RPS6KA5: variants seen among roughly 807,000 people sequenced by gnomAD.
RPS6KA5 encodes the protein ribosomal protein S6 kinase A5.
In RPS6KA5, 27 loss-of-function variants were observed where a neutral mutation model predicts 85.5. The observed-to-expected ratio is 0.32, with a 90% CI of 0.23 to 0.44. The LOEUF (loss-of-function observed/expected upper bound fraction) is 0.44. Among genes scored for constraint, RPS6KA5 ranks in the 20% least tolerant of loss-of-function variants. RPS6KA5 has a pLI of 1.00. For synonymous variants in RPS6KA5, 334 were observed against 348.2 expected (o/e 0.96, Z 0.46); for missense variants, 811 against 980.9 (o/e 0.83, Z 2.31).
At chr14:90,902,735 C>A in intron 9 of RPS6KA5, 73 bp downstream of exon 9, 1 of 1,400,594 alleles carries the variant, frequency 7.1e-7, no homozygotes, top group Non-Finnish European at 9.8e-7. Flanking sequence ...AAAACTACTT[C>A]AATATGGGAA....
chr14:90,904,730 A>G (rs1052628696), intron 8 of RPS6KA5, among the ~76,000 whole-genome samples: 2 of 152,216 alleles, frequency 1.3e-5, no homozygotes, highest in Non-Finnish European at 2.9e-5. Context: ...GAAAAAGGCC[A>G]TTTAGGCCTT....
chr14:91,033,646 A>G (rs758477272), intron 1 of RPS6KA5, among the ~76,000 whole-genome samples: 1 of 152,188 alleles, frequency 6.6e-6, no homozygotes, highest in Non-Finnish European at 1.5e-5. Context: ...ATGAAGAACA[A>G]CCAGATTACT....
intron 3 of RPS6KA5, among the ~76,000 whole-genome samples, chr14:90,969,335 G>A (rs953985075): frequency 4.6e-5 from 7 of 152,248 alleles, no homozygotes; most frequent in East Asian, 1.9e-4. Flanking sequence ...CAGGCTGCTC[G>A]TCTTTGCACA....
At position 90,894,480 on chromosome 14, in the gene RPS6KA5, C is replaced by T; in HGVS notation, c.1577G>A (p.Arg526Lys). 1 of 1,614,146 alleles carries T rather than the reference C, an allele frequency of 6.2e-7. No individual in the cohort carries two copies. The highest frequency in any genetic ancestry group is 8.5e-7 in the Non-Finnish European group (1 of 1,180,030). ...GTGGCTTACAGCTGAAACAAGCTTCCTCATGATGTAGCTGGCTTCCGTCTC... is the reference window on the plus strand; with the variant it reads ...GTGGCTTACAGCTGAAACAAGCTTCTTCATGATGTAGCTGGCTTCCGTCTC... The part of the protein sequence containing the change: ...FSETEASYIM[R>K]KLVSAVSHMH... Residue 526 changes from arginine to lysine, a missense_variant, in exon 13 of 17, where the codon AGG (arginine) becomes AAG (lysine). This residue lies in a region of RPS6KA5 where 650 missense variants were observed against 793.4 expected (regional missense o/e 0.82). Coordinates refer to ENST00000614987, the MANE Select transcript of RPS6KA5 (RefSeq NM_004755.4).
chr14:90,892,062 G>A (rs1178907458), intron 13 of RPS6KA5, among the ~76,000 whole-genome samples: 1 of 151,008 alleles, frequency 6.6e-6, no homozygotes, highest in Non-Finnish European at 1.5e-5. Flanking sequence ...GCAGTGGTGC[G>A]ATCTTGGCTC....
chr14:90,872,383 T>G (rs1180432586), intron 16 of RPS6KA5, 61 bp from the exon 17 acceptor site: 1 of 1,531,852 alleles, frequency 6.5e-7, no homozygotes, highest in African/African-American at 1.4e-5. Flanking sequence ...TTCCTAGCAG[T>G]TATGACTTAC....
At chr14:90,899,302 GAAAAA>G in intron 12 of RPS6KA5, 22 bp downstream of exon 12, 63 of 1,281,458 alleles carry the variant, frequency 4.9e-5, no homozygotes, top group African/African-American at 6.3e-5. Flanking sequence ...GTACACATGG[GAAAAA>G]AAAAAAAAAA....
At chr14:91,000,436 A>G (rs557130402) in intron 2 of RPS6KA5, among the ~76,000 whole-genome samples, 1 of 152,326 alleles carries the variant, frequency 6.6e-6, no homozygotes, top group East Asian at 1.9e-4. Context: ...AAGACAATCA[A>G]TACAAAGCCC....
chr14:90,889,731 A>G (rs138899817), intron 14 of RPS6KA5, among the ~76,000 whole-genome samples: 2 of 152,318 alleles, frequency 1.3e-5, no homozygotes, highest in Non-Finnish European at 2.9e-5. Flanking sequence ...AAAAATTCAA[A>G]TATGTATACA....
In RPS6KA5 at chr14:90,901,018, T is replaced by C. The variant is rs143533993; in HGVS notation, c.1120-282A>G. 6.6e-5 allele frequency among the ~76,000 whole-genome samples: 10 copies of C among 152,286 alleles called. No individual in the cohort carries two copies. The East Asian group carries it at 1.2e-3, about 18-fold the overall frequency. The stretch of plus-strand genomic sequence containing the variant: ...TATTCCACCCCCAAAATCAGACTCA[T>C]AGATGAAATTCTCCTGGTTTGCTGA... On this transcript the variant is annotated intron_variant, in intron 9 of 16. Transcript: ENST00000614987.
intron 12 of RPS6KA5, 130 bp downstream of exon 12, chr14:90,899,199 C>G (rs1005899348): frequency 1.6e-6 from 1 of 631,704 alleles, no homozygotes; most frequent in Admixed American, 2.9e-5. Context: ...GTTTCACTGC[C>G]CTTTCTGGTG....
At position 90,867,375 on chromosome 14, in the gene RPS6KA5, A is replaced by G. The variant is rs1375243578; in HGVS notation, c.*4699T>C. On this transcript the variant is annotated 3_prime_UTR_variant, in exon 17 of 17. Transcript: ENST00000614987. ...GTAAAGGGGCAAATTGTATACCAAC[A>G]TATAAATTAAAAGTGTTATGCAATG... 1 of 152,154 alleles carries G rather than the reference A, an allele frequency of 6.6e-6. No individual in the cohort carries two copies. The allele number at this position is 152,154 out of a possible 1,614,324, so 9.4% of individuals were successfully genotyped here. A position where few individuals can be genotyped will look rare whatever the true frequency, so the allele number is the denominator to read the frequency against.
chr14:90,935,244 G>A (rs1438710605), intron 5 of RPS6KA5, among the ~76,000 whole-genome samples: 1 of 152,050 alleles, frequency 6.6e-6, no homozygotes, highest in Non-Finnish European at 1.5e-5. Context: ...ACTTGAAAGT[G>A]GCACTATTAG....
intron 2 of RPS6KA5, among the ~76,000 whole-genome samples, chr14:90,999,881 G>A (rs1253679183): frequency 3.9e-5 from 6 of 152,158 alleles, no homozygotes; most frequent in Non-Finnish European, 1.5e-5. Flanking sequence ...GCAAAGGAAA[G>A]TTACAAAGCA....
Position 90,942,975 on chromosome 14 carries a change from C to T in RPS6KA5, c.618+103G>A, listed in dbSNP as rs928115504. 5.5e-6 allele frequency: 4 copies of T among 725,214 alleles called. No individual in the cohort carries two copies. The Admixed American group carries it at 1.0e-4, about 18-fold the overall frequency. The allele number at this position is 725,214 out of a possible 1,614,324, so 44.9% of individuals were successfully genotyped here. A position where few individuals can be genotyped will look rare whatever the true frequency, so the allele number is the denominator to read the frequency against. ...CCATGGACAAATCTGCACAAAAGTT[C>T]AGAATTCACAGGGCAGTTTTCTGCT... On this transcript the variant is annotated intron_variant, in intron 5 of 16. Coordinates refer to ENST00000614987, the MANE Select transcript of RPS6KA5 (RefSeq NM_004755.4).
rs1056120324 is a variant in RPS6KA5 at position 90,920,424 on chromosome 14, C to T, written c.703-115G>A. On this transcript the variant is annotated intron_variant, in intron 6 of 16. Coordinates refer to ENST00000614987, the MANE Select transcript of RPS6KA5 (RefSeq NM_004755.4). Reference sequence around the variant, plus strand: ...AAATGTTTTAAAAAATGATTTTGTACACCTCCTTCTATGTAAGGAGTATTA... The same window carrying T: ...AAATGTTTTAAAAAATGATTTTGTATACCTCCTTCTATGTAAGGAGTATTA... 1.3e-5 allele frequency: 9 copies of T among 712,236 alleles called. No individual in the cohort carries two copies. In the Admixed American group the frequency reaches 1.8e-4, roughly 15 times the overall value. The allele number at this position is 712,236 out of a possible 1,614,324, so 44.1% of individuals were successfully genotyped here. A position where few individuals can be genotyped will look rare whatever the true frequency, so the allele number is the denominator to read the frequency against.
intron 13 of RPS6KA5, among the ~76,000 whole-genome samples, chr14:90,892,298 G>A (rs1448204418): frequency 2.0e-5 from 3 of 152,076 alleles, no homozygotes; most frequent in African/African-American, 4.8e-5. Flanking sequence ...CACTGCGCTC[G>A]GCCAGTTTCA....
Position 90,923,142 on chromosome 14 carries a change from C to T in RPS6KA5, c.673G>A (p.Val225Ile), listed in dbSNP as rs748214958. 3.7e-6 allele frequency: 6 copies of T among 1,612,726 alleles called. No homozygotes were observed. The South Asian group carries it at 5.5e-5, about 15-fold the overall frequency. ...GTIEYMAPDI[V>I]RGGDSGHDKA... Reference sequence around the variant, plus strand: ...TCATGTCCTGAATCTCCCCCTCTGACAATATCTGGTGCCATGTATTCAATA... The same window carrying T: ...TCATGTCCTGAATCTCCCCCTCTGATAATATCTGGTGCCATGTATTCAATA... The change falls in exon 6 of 17, where the codon GTC becomes ATC. Residue 225 changes from valine (V) to isoleucine (I), a missense_variant. Val to Ile is a conservative substitution (Grantham distance 29, BLOSUM62 3). Around this residue, in one of 3 missense-constraint regions of RPS6KA5, gnomAD observed 650 missense variants for 793.4 expected, o/e 0.82. Coordinates refer to ENST00000614987, the MANE Select transcript of RPS6KA5 (RefSeq NM_004755.4).
intron 1 of RPS6KA5, among the ~76,000 whole-genome samples, chr14:91,048,872 C>G (rs758183998): frequency 2.0e-5 from 3 of 152,116 alleles, no homozygotes; most frequent in African/African-American, 4.8e-5. Context: ...TTAGATTTTC[C>G]CTAGAGCAGT....
Sources: allele counts gnomAD v4.1 joint callset (sites outside exome capture counted in the v4.1 genomes callset), GRCh38; gene constraint gnomAD v4.1.1; regional missense constraint gnomAD v4.1.1; transcripts MANE v1.5; gene names NCBI Gene and HGNC (gene_info 2026-07-23, HGNC 2026-07-21).